SCRN1: variants seen among roughly 807,000 people sequenced by gnomAD.
SCRN1 encodes secernin 1.
Under a neutral mutation model 43.3 loss-of-function variants are expected in SCRN1, and 19 were observed. The ratio of observed to expected loss-of-function variants is 0.44; its 90% CI spans 0.31 to 0.64. The LOEUF (loss-of-function observed/expected upper bound fraction) is 0.64. Ranked by LOEUF, SCRN1 falls within the 30% of genes least tolerant of loss-of-function variation. The probability of loss-of-function intolerance (pLI) is 0.09; values close to 1 mark genes in which losing one functional copy is unlikely to be tolerated. For synonymous variants in SCRN1, 183 were observed against 188.9 expected, an observed-to-expected ratio of 0.97 and a Z score of 0.26; for missense variants, 447 against 524.1, an observed-to-expected ratio of 0.85 and a Z score of 1.44.
rs552972271 is a variant in SCRN1 at position 29,932,270 on chromosome 7, C to T, written c.905+4286G>A. Among the ~76,000 whole-genome samples the T allele has an allele frequency of 2.6e-5, 4 of 152,188 alleles. No individual in the cohort carries two copies. In the South Asian group the frequency reaches 6.2e-4, roughly 24 times the overall value. ...GCTGTGCCCCACGTGGCTCCAAAGG[C>T]TGCATGAGTCATGCTGACCAAGGCT... is the stretch of plus-strand genomic sequence containing the variant. On this transcript the variant is annotated intron_variant, in intron 6 of 7. Transcript: ENST00000242059.
rs139874162 is a variant in SCRN1, at chr7:29,968,484, A to C, written c.159+425T>G. 2.6e-4 allele frequency among the ~76,000 whole-genome samples: 39 copies of C among 152,348 alleles called. 2 individuals are homozygous for C. Among genetic ancestry groups the C allele is most frequent in the African/African-American group, 9.1e-4 (38 of 41,586 alleles). ...TGCTGTTAATCGAAGAAAGGAGGAA[A>C]GGGACCAGGATGAATATGCACATGT... On this transcript the variant is annotated intron_variant, in intron 2 of 7. Coordinates refer to ENST00000242059, the MANE Select transcript of SCRN1 (RefSeq NM_014766.5).
At chr7:29,926,748 G>T in intron 6 of SCRN1, 116 bp from the exon 7 acceptor site, 2 of 729,088 alleles carry the variant, frequency 2.7e-6, no homozygotes, top group Non-Finnish European at 2.1e-6. Flanking sequence ...GGTGGTGGGT[G>T]TGGGTGACGG....
intron 6 of SCRN1, among the ~76,000 whole-genome samples, chr7:29,927,752 T>C (rs1787016747): frequency 5.3e-5 from 8 of 152,142 alleles, no homozygotes; most frequent in Admixed American, 1.3e-4. Flanking sequence ...AGGATGTTGA[T>C]TCCCTCAGCC....
intron 1 of SCRN1, among the ~76,000 whole-genome samples, chr7:29,984,204 CAAAAAAAAA>C (rs55733700): frequency 1.0e-4 from 10 of 98,246 alleles, no homozygotes; most frequent in Non-Finnish European, 6.1e-5. Context: ...AGACAGTCTC[CAAAAAAAAA>C]AAAAAAAAAA....
chr7:29,943,397 G>A (rs1318793513), intron 4 of SCRN1, among the ~76,000 whole-genome samples: 1 of 152,188 alleles, frequency 6.6e-6, no homozygotes, highest in African/African-American at 2.4e-5. Flanking sequence ...GCAAGATGCT[G>A]CACGGGCCAC....
At chr7:29,944,447 G>C (rs1787661105) in intron 3 of SCRN1, among the ~76,000 whole-genome samples, 1 of 152,132 alleles carries the variant, frequency 6.6e-6, no homozygotes, top group Middle Eastern at 3.4e-3. Flanking sequence ...GATTGCTTGA[G>C]CTCAGGAGTT....
chr7:29,926,930 GCAAA>G (rs201386089), intron 6 of SCRN1, among the ~76,000 whole-genome samples: 1,590 of 151,780 alleles, frequency 0.01, 14 homozygotes, highest in Non-Finnish European at 0.016. Context: ...AAAAAGTGAG[GCAAA>G]CAAACAGTGT....
At chr7:29,948,925 C>G (rs940308175) in intron 3 of SCRN1, among the ~76,000 whole-genome samples, 2 of 152,166 alleles carry the variant, frequency 1.3e-5, no homozygotes, top group African/African-American at 4.8e-5. Flanking sequence ...TAAACATTTA[C>G]CAGCATACTT....
intron 1 of SCRN1, among the ~76,000 whole-genome samples, chr7:29,982,124 A>C (rs1248233844): frequency 6.6e-6 from 1 of 152,230 alleles, no homozygotes; most frequent in African/African-American, 2.4e-5. Flanking sequence ...ACTTTTAAAA[A>C]ATTGACAAAG....
chr7:29,958,532 G>A (rs919427272), intron 2 of SCRN1, among the ~76,000 whole-genome samples: 1 of 152,110 alleles, frequency 6.6e-6, no homozygotes. Context: ...TATCCAAAAA[G>A]CACCTGACAT....
At chr7:29,958,745 C>G (rs1186345890) in intron 2 of SCRN1, among the ~76,000 whole-genome samples, 1 of 152,228 alleles carries the variant, frequency 6.6e-6, no homozygotes, top group Non-Finnish European at 1.5e-5. Flanking sequence ...CATGGCCACT[C>G]CCACCCAGCC....
chr7:29,955,464 C>T (rs974244373), intron 2 of SCRN1, 104 bp from the exon 3 acceptor site: 28 of 1,141,696 alleles, frequency 2.5e-5, no homozygotes, highest in South Asian at 3.2e-5. Flanking sequence ...CAAACAGAGC[C>T]AAAAAATAAA....
intron 1 of SCRN1, among the ~76,000 whole-genome samples, chr7:29,971,967 C>G (rs1389817665): frequency 6.6e-6 from 1 of 152,186 alleles, no homozygotes; most frequent in Non-Finnish European, 1.5e-5. Context: ...AGTAGAACAT[C>G]ACCCCTTCCC....
intron 2 of SCRN1, among the ~76,000 whole-genome samples, chr7:29,968,478 G>A (rs1443172228): frequency 6.6e-6 from 1 of 152,178 alleles, no homozygotes; most frequent in African/African-American, 2.4e-5. Context: ...TCGAAGAAAG[G>A]AGGAAAGGGA....
chr7:29,979,863 T>G (rs1346910072), intron 1 of SCRN1, among the ~76,000 whole-genome samples: 4 of 152,210 alleles, frequency 2.6e-5, no homozygotes, highest in Non-Finnish European at 5.9e-5. Context: ...CAGATCAAGT[T>G]CACTGTAAGA....
intron 1 of SCRN1, chr7:29,969,421 T>C: frequency 3.1e-6 from 1 of 326,102 alleles, no homozygotes; most frequent in Non-Finnish European, 5.9e-6. Flanking sequence ...CTGTTCACAG[T>C]AATAAAATAA....
chr7:29,976,006 A>C (rs967150252), intron 1 of SCRN1, among the ~76,000 whole-genome samples: 1 of 152,246 alleles, frequency 6.6e-6, no homozygotes, highest in Non-Finnish European at 1.5e-5. Context: ...TGGAAGTTGT[A>C]AATGTAAAGG....
intron 5 of SCRN1, among the ~76,000 whole-genome samples, chr7:29,940,231 G>C (rs1400187018): frequency 6.6e-6 from 1 of 152,150 alleles, no homozygotes; most frequent in African/African-American, 2.4e-5. Context: ...GGCAGACGGA[G>C]TGGCAAGAAT....
intron 7 of SCRN1, among the ~76,000 whole-genome samples, chr7:29,926,170 T>C (rs1231866088): frequency 6.6e-6 from 1 of 152,256 alleles, no homozygotes. Context: ...ATTCCTATTA[T>C]TCCTACGTAA....
Sources: allele counts gnomAD v4.1 joint callset (sites outside exome capture counted in the v4.1 genomes callset), GRCh38; gene constraint gnomAD v4.1.1; transcripts MANE v1.5; gene names NCBI Gene and HGNC (gene_info 2026-07-23, HGNC 2026-07-21).